GGT7: variants seen among roughly 807,000 people sequenced by gnomAD.
The protein encoded by GGT7 is glutathione hydrolase 7.
GGT7 carries 30 observed loss-of-function variants against 69.2 expected under a neutral mutation model. That is an observed-to-expected ratio of 0.43 (90% CI 0.32 to 0.59). GGT7 has a LOEUF of 0.59. Among genes scored for constraint, GGT7 ranks in the 20% least tolerant of loss-of-function variants. The probability of loss-of-function intolerance (pLI) is 0.05; values close to 1 mark genes in which losing one functional copy is unlikely to be tolerated. For missense variants in GGT7, 733 were observed against 901.1 expected (o/e 0.81, Z 2.39); for synonymous variants, 388 against 391.8 (o/e 0.99, Z 0.12).
chr20:34,861,835 T>C (rs185883142), intron 3 of GGT7, among the ~76,000 whole-genome samples: 104 of 152,274 alleles, frequency 6.8e-4, no homozygotes, highest in African/African-American at 2.2e-3. Flanking sequence ...GCCCAGAGAC[T>C]GGCAGAACAG....
intron 1 of GGT7, among the ~76,000 whole-genome samples, chr20:34,868,452 T>G (rs1421229741): frequency 1.3e-5 from 2 of 152,202 alleles, no homozygotes; most frequent in Non-Finnish European, 2.9e-5. Flanking sequence ...GATGACAAGT[T>G]CAATTTTGGT....
rs1271874494 is a variant in GGT7, at chr20:34,862,749, A to G, written c.557+65T>C. 2.1e-5 allele frequency: 32 copies of G among 1,499,284 alleles called. No homozygotes were observed. In the Admixed American group the frequency reaches 4.3e-4, roughly 20 times the overall value. 92.9% of individuals were successfully genotyped at this position (1,499,284 alleles called of 1,614,324 possible). A position where few individuals can be genotyped will look rare whatever the true frequency, so the allele number is the denominator to read the frequency against. On this transcript the variant is annotated intron_variant, in intron 3 of 14. Coordinates refer to ENST00000336431, the MANE Select transcript of GGT7 (RefSeq NM_178026.3). Reference sequence around the variant, plus strand: ...TCTCCCTAAGTTAGGAGTGCTGCACATGAGGCCTACAGACCTGGAGGCAAG... The same window carrying G: ...TCTCCCTAAGTTAGGAGTGCTGCACGTGAGGCCTACAGACCTGGAGGCAAG...
At position 34,863,580 on chromosome 20, in the gene GGT7, A is replaced by T; in HGVS notation, c.170-32T>A. On this transcript the variant is annotated intron_variant, in intron 1 of 14. Coordinates refer to ENST00000336431, the MANE Select transcript of GGT7 (RefSeq NM_178026.3). The surrounding 1 kb of genome is among the most constrained non-coding windows in gnomAD (Gnocchi z 4.4). ...GCAGGCAGCCGGGGTCGGTCTGGGCATCTCCTATCTGGCCCTGCCCACCCT... is the reference window on the plus strand; with the variant it reads ...GCAGGCAGCCGGGGTCGGTCTGGGCTTCTCCTATCTGGCCCTGCCCACCCT... 1 of 1,430,702 alleles carries T rather than the reference A, an allele frequency of 7.0e-7. No homozygotes were observed. The highest frequency in any genetic ancestry group is 9.6e-7 in the Non-Finnish European group (1 of 1,038,426). 88.6% of individuals were successfully genotyped at this position (1,430,702 alleles called of 1,614,324 possible).
At chr20:34,861,586 G>T (rs751629243) in intron 3 of GGT7, 24 bp from the exon 4 acceptor site, 6 of 1,352,726 alleles carry the variant, frequency 4.4e-6, no homozygotes, top group Non-Finnish European at 5.0e-6. Flanking sequence ...AGAAGGGGAA[G>T]TGTGATGATA....
intron 14 of GGT7, among the ~76,000 whole-genome samples, chr20:34,847,223 A>T (rs879476201): frequency 1.3e-5 from 2 of 152,202 alleles, no homozygotes; most frequent in Non-Finnish European, 2.9e-5. Context: ...TACATAGATG[A>T]ACAAATCCCC....
chr20:34,860,456 G>A (rs2079573545), intron 4 of GGT7, 135 bp from the exon 5 acceptor site: 1 of 696,752 alleles, frequency 1.4e-6, no homozygotes, highest in African/African-American at 1.8e-5. Context: ...CCCAGGGGAG[G>A]GACAAGCTTT....
intron 1 of GGT7, among the ~76,000 whole-genome samples, chr20:34,867,877 G>A (rs930874609): frequency 1.3e-5 from 2 of 152,136 alleles, no homozygotes; most frequent in Non-Finnish European, 2.9e-5. Context: ...GGTACTTATT[G>A]CTTTGTTTTT....
Position 34,863,274 on chromosome 20 carries a change from CTCCCCAG to C in GGT7, c.405+32_405+38del, listed in dbSNP as rs1282461296. 16 of 1,417,222 alleles carry C rather than the reference CTCCCCAG, an allele frequency of 1.1e-5. No homozygotes were observed. Among genetic ancestry groups the C allele is most frequent in the Non-Finnish European group, 1.6e-5 (16 of 1,014,840 alleles). The allele number at this position is 1,417,222 out of a possible 1,614,324, so 87.8% of individuals were successfully genotyped here. A position where few individuals can be genotyped will look rare whatever the true frequency, so the allele number is the denominator to read the frequency against. Reference sequence around the variant, plus strand: ...TCCTCAAACATTACCCCACTCCCCACTCCCCAGTTTCCTCCCCCTCCCCATTTGTCCC... The same window carrying C: ...TCCTCAAACATTACCCCACTCCCCACTTTCCTCCCCCTCCCCATTTGTCCC... On this transcript the variant is annotated intron_variant, in intron 2 of 14. Coordinates refer to ENST00000336431, the MANE Select transcript of GGT7 (RefSeq NM_178026.3). This position sits in a 1 kb window ranked among gnomAD's most constrained non-coding sequence, Gnocchi z 4.4.
chr20:34,845,387 A>C lies in GGT7; in HGVS notation c.1930T>G (p.Phe644Val). The change falls in exon 15 of 15, where the codon TTC becomes GTC. Residue 644 changes from phenylalanine (F) to valine (V), a missense_variant. By Grantham distance (50) the Phe-to-Val change is conservative. Transcript: ENST00000336431. ...CGAGGGTCCTTAACAGCGATGATGAAGTTGTTGGTCCTTCGGCTGCCATGG... is the reference window on the plus strand; with the variant it reads ...CGAGGGTCCTTAACAGCGATGATGACGTTGTTGGTCCTTCGGCTGCCATGG... The part of the protein sequence containing the change: ...WVHGSRRTNN[F>V]IIAVKDPRSP... The C allele has an allele frequency of 6.2e-7, 1 of 1,614,140 alleles. No individual in the cohort carries two copies. Among genetic ancestry groups the C allele is most frequent in the Non-Finnish European group, 8.5e-7 (1 of 1,180,000 alleles).
chr20:34,863,095 C>G lies in GGT7; in HGVS notation c.406-130G>C. The G allele has an allele frequency of 1.1e-6, 1 of 914,498 alleles. No homozygotes were observed. Among genetic ancestry groups the G allele is most frequent in the East Asian group, 2.6e-5 (1 of 37,788 alleles). 56.6% of individuals were successfully genotyped at this position (914,498 alleles called of 1,614,324 possible). A position where few individuals can be genotyped will look rare whatever the true frequency, so the allele number is the denominator to read the frequency against. On this transcript the variant is annotated intron_variant, in intron 2 of 14. Coordinates refer to ENST00000336431, the MANE Select transcript of GGT7 (RefSeq NM_178026.3). This position sits in a 1 kb window ranked among gnomAD's most constrained non-coding sequence, Gnocchi z 4.4. The stretch of plus-strand genomic sequence containing the variant: ...GCCCCCTTGTTGCCTTGACTCTGCC[C>G]TCATTACCCCAAGTGCCTCCTAATG...
At chr20:34,856,372 T>A (rs1007910339) in intron 8 of GGT7, among the ~76,000 whole-genome samples, 3 of 152,206 alleles carry the variant, frequency 2.0e-5, no homozygotes, top group Non-Finnish European at 4.4e-5. Context: ...TCCTCGGGCC[T>A]CAATTTCTTT....
chr20:34,846,242 C>T (rs2079303359), intron 14 of GGT7, among the ~76,000 whole-genome samples: 1 of 151,950 alleles, frequency 6.6e-6, no homozygotes, highest in East Asian at 1.9e-4. Flanking sequence ...GCCCTCCCTT[C>T]CTTCCTTCCT....
intron 10 of GGT7, among the ~76,000 whole-genome samples, chr20:34,853,420 G>A (rs1396087456): frequency 6.6e-6 from 1 of 150,918 alleles, no homozygotes; most frequent in Non-Finnish European, 1.5e-5. Context: ...GAAACAATAT[G>A]TAATGCTCCA....
chr20:34,871,836 G>A (rs1174904158), intron 1 of GGT7, among the ~76,000 whole-genome samples: 1 of 152,132 alleles, frequency 6.6e-6, no homozygotes, highest in Non-Finnish European at 1.5e-5. Context: ...GATGAAGCTG[G>A]GCCACATGGC....
At chr20:34,855,040 C>T in intron 8 of GGT7, 117 bp from the exon 9 acceptor site, 1 of 940,164 alleles carries the variant, frequency 1.1e-6, no homozygotes, top group Admixed American at 2.6e-5. Context: ...ACTCCCTCAC[C>T]AGATGGGGAA....
At chr20:34,855,814 T>TGTGTGTGTGA (rs56219337) in intron 8 of GGT7, among the ~76,000 whole-genome samples, 3,466 of 144,560 alleles carry the variant, frequency 0.024, 57 homozygotes, top group Middle Eastern at 0.035. Flanking sequence ...TGTGTGTGTG[T>TGTGTGTGTGA]GATAATGGTC....
At chr20:34,846,202 A>G (rs1019879968) in intron 14 of GGT7, among the ~76,000 whole-genome samples, 2 of 152,064 alleles carry the variant, frequency 1.3e-5, no homozygotes, top group African/African-American at 2.4e-5. Context: ...GGATTTCTGC[A>G]TAATCCACTA....
rs761474589 is a variant in GGT7 at position 34,860,047 on chromosome 20, G to A, written c.744-5C>T. 7.7e-6 allele frequency: 12 copies of A among 1,549,914 alleles called. No individual in the cohort carries two copies. In the African/African-American group the frequency reaches 1.4e-4, roughly 18 times the overall value. On this transcript the variant is annotated splice_polypyrimidine_tract_variant and splice_region_variant and intron_variant, in intron 5 of 14. Coordinates refer to ENST00000336431, the MANE Select transcript of GGT7 (RefSeq NM_178026.3). Reference sequence around the variant, plus strand: ...AGGACTTGGGACCATGGCAGCCTGGGGGGGCCGGAGAGCAGGGGGTGGAGG... The same window carrying A: ...AGGACTTGGGACCATGGCAGCCTGGAGGGGCCGGAGAGCAGGGGGTGGAGG...
At position 34,862,832 on chromosome 20, in the gene GGT7, T is replaced by C; in HGVS notation, c.539A>G (p.His180Arg). 1 of 1,614,054 alleles carries C rather than the reference T, an allele frequency of 6.2e-7. No homozygotes were observed. Among genetic ancestry groups the C allele is most frequent in the Non-Finnish European group, 8.5e-7 (1 of 1,180,018 alleles). ...AALCLGIVAP[H>R]SSGLGGGGVM... is the part of the protein sequence containing the mutation. ...TCCTTACCCGCCCAGGCCAGAACTGTGTGGAGCCACGATACCCAAACACAA... is the reference window on the plus strand; with the variant it reads ...TCCTTACCCGCCCAGGCCAGAACTGCGTGGAGCCACGATACCCAAACACAA... The change falls in exon 3 of 15, where the codon CAC becomes CGC. Residue 180 changes from histidine (H) to arginine (R), a missense_variant. Transcript: ENST00000336431.
Sources: gnomAD v4.1 joint callset for allele counts (sites outside exome capture counted in the v4.1 genomes callset) on GRCh38, gnomAD v4.1.1 for gene constraint, Gnocchi (gnomAD v3.1) non-coding constraint, MANE v1.5 for transcripts, NCBI Gene and HGNC (gene_info 2026-07-23, HGNC 2026-07-21) for gene names.